The following PIGU variants were observed in gnomAD, a reference collection of about 807,000 sequenced individuals.
The protein encoded by PIGU is phosphatidylinositol glycan anchor biosynthesis class U.
A neutral mutation model predicts 49.9 loss-of-function variants in PIGU; 24 were observed. The ratio of observed to expected loss-of-function variants is 0.48; its 90% CI spans 0.35 to 0.68. The LOEUF (loss-of-function observed/expected upper bound fraction) is 0.68, where lower values mean the gene tolerates loss of function less well. Ranked by LOEUF, PIGU falls within the 30% of genes least tolerant of loss-of-function variation. The pLI is 0.01. For missense variants in PIGU, 490 were observed against 532.6 expected (o/e 0.92, Z 0.79); for synonymous variants, 220 against 205.7 (o/e 1.07, Z -0.59).
intron 1 of PIGU, among the ~76,000 whole-genome samples, chr20:34,664,765 A>AT (rs1827393822): frequency 6.6e-6 from 1 of 152,088 alleles, no homozygotes; most frequent in Admixed American, 6.6e-5. Context: ...CAAGGAGGGT[A>AT]TATCGCTTGA....
chr20:34,605,603 C>CTAT, intron 7 of PIGU, among the ~76,000 whole-genome samples: 1 of 152,170 alleles, frequency 6.6e-6, no homozygotes, highest in Non-Finnish European at 1.5e-5. Flanking sequence ...GCAGTAGGTA[C>CTAT]TATTATATTA....
At chr20:34,649,544 G>A (rs192022212) in intron 2 of PIGU, among the ~76,000 whole-genome samples, 7 of 146,200 alleles carry the variant, frequency 4.8e-5, no homozygotes, top group Middle Eastern at 3.5e-3. Context: ...TTTTTGAGAC[G>A]GAGTCTCGCT....
intron 2 of PIGU, among the ~76,000 whole-genome samples, chr20:34,646,647 G>A (rs1312666945): frequency 6.6e-6 from 1 of 151,954 alleles, no homozygotes; most frequent in Non-Finnish European, 1.5e-5. Flanking sequence ...AACCTCAAGT[G>A]ATCCACCTGG....
chr20:34,562,175 GC>G (rs1228521318), intron 11 of PIGU, among the ~76,000 whole-genome samples: 2 of 152,188 alleles, frequency 1.3e-5, no homozygotes, highest in Non-Finnish European at 2.9e-5. Flanking sequence ...ATCCCAGTCA[GC>G]CCAAGCTTCC....
intron 6 of PIGU, among the ~76,000 whole-genome samples, chr20:34,631,497 C>T (rs192009669): frequency 3.1e-4 from 46 of 150,172 alleles, no homozygotes; most frequent in South Asian, 8.4e-4. Flanking sequence ...CATGTCCAGA[C>T]ATAGCATCAT....
In PIGU at chr20:34,628,327, G is replaced by GAA. The variant is rs545398581; in HGVS notation, c.529+6286_529+6287dup. 3.8e-3 allele frequency among the ~76,000 whole-genome samples: 567 copies of GAA among 151,198 alleles called. 4 individuals are homozygous for GAA. Among genetic ancestry groups the GAA allele is most frequent in the African/African-American group, 0.013 (542 of 41,264 alleles). ...GTGAGACCCCATTATCCACAAAAAG[G>GAA]AAAAAAAATCAATAAATTAATTCCA... On this transcript the variant is annotated intron_variant, in intron 6 of 11. Transcript: ENST00000217446.
chr20:34,641,004 T>C (rs1986142587), intron 4 of PIGU, among the ~76,000 whole-genome samples: 1 of 152,062 alleles, frequency 6.6e-6, no homozygotes, highest in Admixed American at 6.6e-5. Context: ...AGTGATTCTC[T>C]TGCCTCAGCC....
rs527657280 is a variant in PIGU at position 34,669,665 on chromosome 20, T to C, written c.130+7291A>G. On this transcript the variant is annotated intron_variant, in intron 1 of 11. Transcript: ENST00000217446. ...CTGGGCAACAGAGTGAGACTCTGGC[T>C]GAAAAAAAAAAAAAAAAGTAAAAAA... Among the ~76,000 whole-genome samples, 24 of 112,008 alleles carry C rather than the reference T, an allele frequency of 2.1e-4. 1 individual carries two copies. The South Asian group carries it at 6.3e-3, about 30-fold the overall frequency. 73.5% of individuals were successfully genotyped at this position (112,008 alleles called of 152,430 possible). A position where few individuals can be genotyped will look rare whatever the true frequency, so the allele number is the denominator to read the frequency against.
chr20:34,563,436 G>A (rs1388128978), intron 11 of PIGU, among the ~76,000 whole-genome samples: 3 of 152,036 alleles, frequency 2.0e-5, no homozygotes, highest in East Asian at 1.9e-4. Context: ...GCATGGTGGC[G>A]CATGCCTGTA....
chr20:34,580,876 G>A (rs377408472), intron 10 of PIGU, among the ~76,000 whole-genome samples: 27 of 152,268 alleles, frequency 1.8e-4, no homozygotes, highest in Middle Eastern at 3.4e-3. Context: ...AGAGGGGATG[G>A]TTAGAGCTTA....
chr20:34,649,997 C>T (rs575635384), intron 2 of PIGU, among the ~76,000 whole-genome samples: 13 of 151,786 alleles, frequency 8.6e-5, no homozygotes, highest in East Asian at 7.8e-4. Context: ...TACAGGCGCC[C>T]GCCACCATGC....
intron 1 of PIGU, among the ~76,000 whole-genome samples, chr20:34,664,183 C>T (rs1987013922): frequency 6.6e-6 from 1 of 152,122 alleles, no homozygotes; most frequent in East Asian, 1.9e-4. Flanking sequence ...TTGAGACTCA[C>T]TCTGTTGCCC....
At chr20:34,635,460 A>C (rs1201052001) in intron 5 of PIGU, among the ~76,000 whole-genome samples, 1 of 152,248 alleles carries the variant, frequency 6.6e-6, no homozygotes, top group East Asian at 1.9e-4. Flanking sequence ...TTTTCCTGAG[A>C]TGGGAAGGAA....
At chr20:34,619,518 A>T (rs147416779) in intron 6 of PIGU, among the ~76,000 whole-genome samples, 333 of 152,332 alleles carry the variant, frequency 2.2e-3, no homozygotes, top group African/African-American at 7.5e-3. Context: ...CAGGCGAGAG[A>T]AGAGGCCCAT....
intron 9 of PIGU, among the ~76,000 whole-genome samples, chr20:34,583,686 C>T (rs988166614): frequency 4.5e-4 from 68 of 152,330 alleles, no homozygotes; most frequent in African/African-American, 1.5e-3. Context: ...TGGGCCTAAC[C>T]GGAACAAGGA....
chr20:34,579,345 G>C (rs953186037), intron 10 of PIGU: 1 of 151,688 alleles, frequency 6.6e-6, no homozygotes, highest in South Asian at 2.1e-4. Context: ...AGAGTCCAGC[G>C]TCTGGGACCT....
intron 4 of PIGU, among the ~76,000 whole-genome samples, chr20:34,638,752 G>T (rs1986049825): frequency 6.6e-6 from 1 of 152,178 alleles, no homozygotes; most frequent in South Asian, 2.1e-4. Context: ...AGTTAATAGG[G>T]AGTGGGATGG....
chr20:34,652,156 CA>C (rs1423898376), intron 2 of PIGU, among the ~76,000 whole-genome samples: 1 of 152,174 alleles, frequency 6.6e-6, no homozygotes, highest in Non-Finnish European at 1.5e-5. Context: ...CATACCACCA[CA>C]ACCAGCTAAT....
intron 7 of PIGU, among the ~76,000 whole-genome samples, chr20:34,611,637 C>A: frequency 8.9e-6 from 1 of 112,000 alleles, no homozygotes; most frequent in Non-Finnish European, 1.7e-5. Context: ...CAGAGCAAGA[C>A]TCAAGTCTCA....
Sources: allele counts gnomAD v4.1 joint callset (sites outside exome capture counted in the v4.1 genomes callset), GRCh38; gene constraint gnomAD v4.1.1; transcripts MANE v1.5; gene names NCBI Gene and HGNC (gene_info 2026-07-23, HGNC 2026-07-21).